The following ZNF763 variants were observed in gnomAD, a reference collection of about 807,000 sequenced individuals.
The protein encoded by ZNF763 is DNA-binding protein.
Under a neutral mutation model 38.0 loss-of-function variants are expected in ZNF763, and 33 were observed. The observed-to-expected ratio is 0.87, with a 90% CI of 0.66 to 1.16. ZNF763 has a LOEUF of 1.16. Among genes scored for constraint, ZNF763 ranks in the 50% most tolerant of loss-of-function variants. The pLI is 0.00. For synonymous variants in ZNF763, 155 were observed against 160.1 expected (o/e 0.97, Z 0.24); for missense variants, 423 against 469.1 (o/e 0.90, Z 0.91).
chr19:11,977,075 C>A lies in ZNF763; in HGVS notation c.41C>A (p.Thr14Asn). 1 of 1,614,148 alleles carries A rather than the reference C, an allele frequency of 6.2e-7. No individual in the cohort carries two copies. The highest frequency in any genetic ancestry group is 8.5e-7 in the Non-Finnish European group (1 of 1,180,026). The change falls in exon 2 of 4, where the codon ACC becomes AAC. Residue 14 changes from threonine (T) to asparagine (N), a missense_variant. Physicochemically the swap from Thr to Asn is moderately conservative, Grantham distance 65 (BLOSUM62 0). Coordinates refer to ENST00000358987, the MANE Select transcript of ZNF763 (RefSeq NM_001367172.2). ...TGTGAGGATGTTGCTGTGAACTTCA[C>A]CCAGGAGGAGTGGGCTTTGCTGGAT... ...VACEDVAVNF[T>N]QEEWALLDIS...
chr19:11,974,637 C>T (rs575545904), intron 1 of ZNF763, among the ~76,000 whole-genome samples: 1 of 148,646 alleles, frequency 6.7e-6, no homozygotes, highest in South Asian at 2.1e-4. Flanking sequence ...TAATCTGGCT[C>T]TGTCGCCCAG....
chr19:11,977,226 T>G, intron 2 of ZNF763, 62 bp downstream of exon 2: 3 of 1,607,704 alleles, frequency 1.9e-6, no homozygotes, highest in Non-Finnish European at 2.5e-6. Flanking sequence ...AGCTCATGAA[T>G]GCTGTTGAGT....
At chr19:11,967,605 G>A (rs1460932974) in intron 1 of ZNF763, among the ~76,000 whole-genome samples, 2 of 151,964 alleles carry the variant, frequency 1.3e-5, no homozygotes, top group Non-Finnish European at 1.5e-5. Flanking sequence ...GGGTTTCACC[G>A]TGTTAGCCAG....
chr19:11,973,502 A>G lies in ZNF763; in HGVS notation c.4-3536A>G, dbSNP rs978762586. On this transcript the variant is annotated intron_variant, in intron 1 of 3. Transcript: ENST00000358987. ...AGTGCTGGGATTCCTCTTGTGAGCC[A>G]CCACGTTCGGCCACTCATTTTCTTT... Among the ~76,000 whole-genome samples the G allele has an allele frequency of 1.4e-4, 22 of 152,128 alleles. No homozygotes were observed. In the South Asian group the frequency reaches 1.4e-3, roughly 10 times the overall value.
At position 11,977,243 on chromosome 19, in the gene ZNF763, G is replaced by A. The variant is rs943440161; in HGVS notation, c.130+79G>A. On this transcript the variant is annotated intron_variant, in intron 2 of 3. Coordinates refer to ENST00000358987, the MANE Select transcript of ZNF763 (RefSeq NM_001367172.2). The stretch of plus-strand genomic sequence containing the variant: ...CTCATGAATGCTGTTGAGTCATTTG[G>A]AACATAGACAGGAAATACTTTGATG... 10 of 1,605,842 alleles carry A rather than the reference G, an allele frequency of 6.2e-6. No individual in the cohort carries two copies. In the African/African-American group the frequency reaches 1.3e-4, roughly 22 times the overall value.
chr19:11,978,003 G>T, intron 3 of ZNF763, 113 bp from the exon 4 acceptor site: 1 of 1,319,218 alleles, frequency 7.6e-7, no homozygotes, highest in South Asian at 1.4e-5. Flanking sequence ...AAACAATTCA[G>T]CCAGGGCAGA....
rs1398182271 is a variant in ZNF763, at chr19:11,977,162, T to C, written c.128T>C (p.Ile43Thr). 3.1e-6 allele frequency: 5 copies of C among 1,613,946 alleles called. No homozygotes were observed. The highest frequency in any genetic ancestry group is 1.3e-5 in the African/African-American group (1 of 74,918). The change falls in exon 2 of 4, where the codon ATA (isoleucine) becomes ACA (threonine). Residue 43 changes from isoleucine (I) to threonine (T), a missense_variant and splice_region_variant. Ile to Thr is a moderately conservative substitution (Grantham distance 89). Transcript: ENST00000358987. ...MLETFRNLTSIGKKWKDQNIE... is the reference protein window; with the variant it reads ...MLETFRNLTSTGKKWKDQNIE... The stretch of plus-strand genomic sequence containing the variant: ...GAAACTTTCAGGAACCTGACCTCTA[T>C]AGGTAAGGATGACAATATTCCTTCC...
In ZNF763 at chr19:11,980,264, C is replaced by G. The variant is rs964124356; in HGVS notation, c.*1155C>G. On this transcript the variant is annotated 3_prime_UTR_variant, in exon 4 of 4. Transcript: ENST00000358987. Reference sequence around the variant, plus strand: ...GGCGTGGTGGCCTGCTTCTGTAATCCTAGCTAGTTGGGAGGCTGGCACAGG... The same window carrying G: ...GGCGTGGTGGCCTGCTTCTGTAATCGTAGCTAGTTGGGAGGCTGGCACAGG... 5.6e-5 allele frequency: 18 copies of G among 319,878 alleles called. No homozygotes were observed. In the Admixed American group the frequency reaches 7.9e-4, roughly 14 times the overall value. 19.8% of individuals were successfully genotyped at this position (319,878 alleles called of 1,614,324 possible).
chr19:11,971,155 C>T (rs1973342988), intron 1 of ZNF763, among the ~76,000 whole-genome samples: 1 of 152,162 alleles, frequency 6.6e-6, no homozygotes, highest in Non-Finnish European at 1.5e-5. Flanking sequence ...ACATTTGTTT[C>T]TGACAGTTCT....
Position 11,979,818 on chromosome 19 carries a change from C to T in ZNF763, c.*709C>T, listed in dbSNP as rs1973583043. ...TATGAGTGTAAGGAATGTGGGAAAGCCTTCAGATCTGCCAAGAACCTTCGA... is the reference window on the plus strand; with the variant it reads ...TATGAGTGTAAGGAATGTGGGAAAGTCTTCAGATCTGCCAAGAACCTTCGA... On this transcript the variant is annotated 3_prime_UTR_variant, in exon 4 of 4. Transcript: ENST00000358987. 2 of 1,569,732 alleles carry T rather than the reference C, an allele frequency of 1.3e-6. No homozygotes were observed. Among genetic ancestry groups the T allele is most frequent in the Admixed American group, 1.7e-5 (1 of 59,290 alleles).
intron 1 of ZNF763, among the ~76,000 whole-genome samples, chr19:11,966,562 T>C (rs117593834): frequency 0.019 from 2,889 of 152,112 alleles, 36 homozygotes; most frequent in African/African-American, 0.026. Context: ...TTAGTAAAGA[T>C]TGGGCTTCAC....
intron 1 of ZNF763, 36 bp from the exon 2 acceptor site, chr19:11,977,002 T>C: frequency 6.2e-7 from 1 of 1,612,080 alleles, no homozygotes; most frequent in South Asian, 1.1e-5. Flanking sequence ...GCTGTCACTC[T>C]CACCCAGCCT....
At chr19:11,970,103 T>C (rs1973320146) in intron 1 of ZNF763, among the ~76,000 whole-genome samples, 1 of 152,174 alleles carries the variant, frequency 6.6e-6, no homozygotes, top group South Asian at 2.1e-4. Flanking sequence ...AACCAATTCT[T>C]GGGGTGCTCA....
chr19:11,976,624 T>C (rs1250615287), intron 1 of ZNF763, among the ~76,000 whole-genome samples: 1 of 150,212 alleles, frequency 6.7e-6, no homozygotes, highest in African/African-American at 2.5e-5. Context: ...TTCAGCACTT[T>C]GGGAGGCCGA....
At position 11,978,799 on chromosome 19, in the gene ZNF763, C is replaced by G; in HGVS notation, c.875C>G (p.Ser292Cys). The change falls in exon 4 of 4, where the codon TCC becomes TGC. Residue 292 changes from serine to cysteine, a missense_variant. Transcript: ENST00000358987. The part of the protein sequence containing the change: ...KPYECKQCGK[S>C]FSWCHSFQIH... ...TATGAATGTAAACAATGTGGCAAAT[C>G]CTTCAGTTGGTGTCATTCCTTTCAA... 3 of 1,614,110 alleles carry G rather than the reference C, an allele frequency of 1.9e-6. 1 individual carries two copies. The South Asian group carries it at 3.3e-5, about 18-fold the overall frequency.
At chr19:11,976,542 C>A (rs1973493289) in intron 1 of ZNF763, among the ~76,000 whole-genome samples, 1 of 108,054 alleles carries the variant, frequency 9.3e-6, no homozygotes, top group Non-Finnish European at 1.8e-5. Context: ...GGCAGCAGAA[C>A]AAGACTCTGT....
intron 1 of ZNF763, among the ~76,000 whole-genome samples, chr19:11,965,871 GTGC>G: frequency 6.6e-6 from 1 of 152,186 alleles, no homozygotes; most frequent in African/African-American, 2.4e-5. Flanking sequence ...TCATGAATCA[GTGC>G]CTGGAAGGTG....
In ZNF763 at chr19:11,980,223, C is replaced by G; in HGVS notation, c.*1114C>G. On this transcript the variant is annotated 3_prime_UTR_variant, in exon 4 of 4. Coordinates refer to ENST00000358987, the MANE Select transcript of ZNF763 (RefSeq NM_001367172.2). ...GATGAAACCCCTGTCTCTACTAAAA[C>G]TACAAAAATTGGCCAGGCGTGGTGG... 1 of 409,490 alleles carries G rather than the reference C, an allele frequency of 2.4e-6. No homozygotes were observed. Among genetic ancestry groups the G allele is most frequent in the Non-Finnish European group, 4.4e-6 (1 of 227,864 alleles). 25.4% of individuals were successfully genotyped at this position (409,490 alleles called of 1,614,324 possible).
Sources: gnomAD v4.1 joint callset for allele counts (sites outside exome capture counted in the v4.1 genomes callset) on GRCh38, gnomAD v4.1.1 for gene constraint, MANE v1.5 for transcripts, NCBI Gene and HGNC (gene_info 2026-07-23, HGNC 2026-07-21) for gene names.